The following DNAI1 variants were observed in gnomAD, a reference collection of about 807,000 sequenced individuals.
The protein encoded by DNAI1 is dynein axonemal intermediate chain 1.
Under a neutral mutation model 92.0 loss-of-function variants are expected in DNAI1, and 67 were observed. The ratio of observed to expected loss-of-function variants is 0.73; its 90% CI spans 0.60 to 0.89. The LOEUF is 0.89. Among genes scored for constraint, DNAI1 ranks in the 40% least tolerant of loss-of-function variants. The pLI is 0.00. For missense variants in DNAI1, 839 were observed against 866.6 expected (o/e 0.97, Z 0.40); for synonymous variants, 323 against 319.6 (o/e 1.01, Z -0.11).
intron 12 of DNAI1, among the ~76,000 whole-genome samples, chr9:34,502,163 G>T (rs1351063019): frequency 6.6e-6 from 1 of 152,206 alleles, no homozygotes; most frequent in Non-Finnish European, 1.5e-5. Flanking sequence ...ACCAGGGTGG[G>T]GAGGGGCAGT....
At chr9:34,461,130 C>T (rs896401080) in intron 1 of DNAI1, among the ~76,000 whole-genome samples, 6 of 152,162 alleles carry the variant, frequency 3.9e-5, no homozygotes, top group Non-Finnish European at 8.8e-5. Context: ...GTGTGGGCCA[C>T]CGCACCCAGC....
intron 1 of DNAI1, among the ~76,000 whole-genome samples, chr9:34,478,252 A>G (rs1216802944): frequency 6.6e-6 from 1 of 152,180 alleles, no homozygotes; most frequent in African/African-American, 2.4e-5. Flanking sequence ...AAGGTGGAAG[A>G]TGAAAGATGA....
At chr9:34,503,144 G>A (rs112977435) in intron 12 of DNAI1, among the ~76,000 whole-genome samples, 32 of 152,328 alleles carry the variant, frequency 2.1e-4, no homozygotes, top group African/African-American at 7.0e-4. Flanking sequence ...CTCTGGGGTT[G>A]TTGGCCGGCT....
At chr9:34,463,520 A>G (rs1823986598) in intron 1 of DNAI1, among the ~76,000 whole-genome samples, 2 of 152,254 alleles carry the variant, frequency 1.3e-5, no homozygotes, top group African/African-American at 4.8e-5. Flanking sequence ...ATACATGTAC[A>G]GGAGGAGCTT....
intron 13 of DNAI1, among the ~76,000 whole-genome samples, chr9:34,508,399 A>G (rs1300925817): frequency 6.6e-6 from 1 of 152,200 alleles, no homozygotes; most frequent in African/African-American, 2.4e-5. Flanking sequence ...GCTACTCTCC[A>G]ACAAAGCAGA....
At position 34,517,192 on chromosome 9, in the gene DNAI1, C is replaced by T. The variant is rs1022547938; in HGVS notation, c.1819-93C>T. ...CAGTGTGCTAGCCATTAGCCTTCTA[C>T]AGTCTTTCCCCAGGAAGTCCAGGGA... On this transcript the variant is annotated intron_variant, in intron 18 of 19. Transcript: ENST00000242317. 1.3e-5 allele frequency: 18 copies of T among 1,398,696 alleles called. No individual in the cohort carries two copies. The African/African-American group carries it at 1.4e-4, about 11-fold the overall frequency. 86.6% of individuals were successfully genotyped at this position (1,398,696 alleles called of 1,614,324 possible).
chr9:34,465,156 G>T lies in DNAI1; in HGVS notation c.48+6103G>T, dbSNP rs80120041. On this transcript the variant is annotated intron_variant, in intron 1 of 19. Transcript: ENST00000242317. ...CAATTTCAGAGTGAAAAGCTAAACTGAATTGAGCTAAGAAGGCAGTAAGAA... is the reference window on the plus strand; with the variant it reads ...CAATTTCAGAGTGAAAAGCTAAACTTAATTGAGCTAAGAAGGCAGTAAGAA... 1.7e-3 allele frequency among the ~76,000 whole-genome samples: 262 copies of T among 152,298 alleles called. 1 individual carries two copies. The highest frequency in any genetic ancestry group is 5.5e-3 in the African/African-American group (230 of 41,568).
Position 34,512,159 on chromosome 9 carries a change from G to A in DNAI1, c.1362G>A (p.Val454=). 1.2e-6 allele frequency: 2 copies of A among 1,614,162 alleles called. No individual in the cohort carries two copies. The highest frequency in any genetic ancestry group is 1.7e-6 in the Non-Finnish European group (2 of 1,180,040). The change falls in exon 14 of 20, where the codon GTG becomes GTA. Residue 454 remains valine (V), a synonymous_variant. Transcript: ENST00000242317. The part of the protein sequence containing the change: ...DMDQNLNFFS[V]SSDGRIVSWT... ...ACCAAAACCTTAACTTCTTCTCTGT[G>A]TCATCTGACGGCAGGATTGTGTCTT...
intron 8 of DNAI1, among the ~76,000 whole-genome samples, chr9:34,492,483 G>A (rs1338966377): frequency 1.2e-5 from 1 of 86,622 alleles, no homozygotes; most frequent in East Asian, 3.1e-4. Context: ...GGTGGGGGTG[G>A]GGATATGAAG....
chr9:34,459,528 C>T (rs1823903085), intron 1 of DNAI1, among the ~76,000 whole-genome samples: 1 of 151,818 alleles, frequency 6.6e-6, no homozygotes, highest in Non-Finnish European at 1.5e-5. Context: ...TCTCTGTAAC[C>T]TCTGCCTCCT....
At chr9:34,493,383 C>CAT (rs1564034251) in intron 9 of DNAI1, 55 bp downstream of exon 9, 193 of 1,612,432 alleles carry the variant, frequency 1.2e-4, no homozygotes, top group Non-Finnish European at 1.6e-4. Flanking sequence ...AGGCCTTGGC[C>CAT]TCTGGGTAGA....
chr9:34,508,697 A>C (rs770666909), intron 13 of DNAI1, among the ~76,000 whole-genome samples: 7 of 151,664 alleles, frequency 4.6e-5, no homozygotes, highest in Non-Finnish European at 7.4e-5. Flanking sequence ...CAACCACCCT[A>C]CTCCTACTCT....
intron 5 of DNAI1, 139 bp downstream of exon 5, chr9:34,489,588 G>C (rs766933487): frequency 1.9e-6 from 2 of 1,071,296 alleles, no homozygotes; most frequent in Non-Finnish European, 2.8e-6. Context: ...GGTGGTTCTT[G>C]CCTATAATCC....
intron 1 of DNAI1, among the ~76,000 whole-genome samples, chr9:34,467,591 A>G (rs980476651): frequency 2.0e-5 from 3 of 152,150 alleles, no homozygotes; most frequent in Non-Finnish European, 4.4e-5. Flanking sequence ...TATGATTGTT[A>G]CCACTGCACT....
intron 8 of DNAI1, among the ~76,000 whole-genome samples, chr9:34,492,770 C>T (rs968458305): frequency 6.6e-6 from 1 of 151,844 alleles, no homozygotes; most frequent in African/African-American, 2.4e-5. Context: ...ATCCACCTGC[C>T]TCAGCCTCCC....
chr9:34,518,724 G>T (rs113911251), intron 19 of DNAI1, among the ~76,000 whole-genome samples: 1 of 152,228 alleles, frequency 6.6e-6, no homozygotes, highest in East Asian at 1.9e-4. Flanking sequence ...GTCATTCTTT[G>T]GGGGAGGAGT....
intron 1 of DNAI1, among the ~76,000 whole-genome samples, chr9:34,482,687 C>A (rs1020836648): frequency 6.3e-4 from 96 of 152,402 alleles, no homozygotes; most frequent in Non-Finnish European, 9.8e-4. Context: ...GACTTAGGAG[C>A]CCACCTGGCT....
chr9:34,497,670 T>C (rs1824752829), intron 10 of DNAI1, among the ~76,000 whole-genome samples: 1 of 152,180 alleles, frequency 6.6e-6, no homozygotes, highest in East Asian at 1.9e-4. Flanking sequence ...GAAACCACTC[T>C]GGGGATCCTC....
chr9:34,506,473 C>T (rs1010066508), intron 12 of DNAI1, among the ~76,000 whole-genome samples, 154 bp from the exon 13 acceptor site: 6 of 152,192 alleles, frequency 3.9e-5, no homozygotes, highest in Non-Finnish European at 7.3e-5. Context: ...TTCCACTTCA[C>T]AGATGGAAAA....
Sources: allele counts gnomAD v4.1 joint callset (sites outside exome capture counted in the v4.1 genomes callset), GRCh38; gene constraint gnomAD v4.1.1; transcripts MANE v1.5; gene names NCBI Gene and HGNC (gene_info 2026-07-23, HGNC 2026-07-21).